The following CRYBG3 variants were observed in gnomAD, a reference collection of about 807,000 sequenced individuals.
CRYBG3 encodes very large A-kinase anchor protein.
Under a neutral mutation model 244.2 loss-of-function variants are expected in CRYBG3, and 127 were observed. The ratio of observed to expected loss-of-function variants is 0.52; its 90% confidence interval spans 0.45 to 0.60. The LOEUF is 0.60. Among genes scored for constraint, CRYBG3 ranks in the 20% least tolerant of loss-of-function variants. The pLI, the probability that CRYBG3 is intolerant of heterozygous loss-of-function variation, is 0.00. For synonymous variants in CRYBG3, 1,132 were observed against 1,195.8 expected, an observed-to-expected ratio of 0.95 and a Z score of 1.10; for missense variants, 3,325 against 3,442.5, an observed-to-expected ratio of 0.97 and a Z score of 0.85.
chr3:97,843,143 GT>G, intron 1 of CRYBG3, 51 bp from the exon 2 acceptor site: 1 of 1,224,544 alleles, frequency 8.2e-7, no homozygotes, highest in Non-Finnish European at 1.1e-6. Context: ...AAAACTTTTA[GT>G]TTCGTAATTT....
chr3:97,877,998 T>C lies in CRYBG3; in HGVS notation c.6804T>C (p.Arg2268=), dbSNP rs774714035. The change falls in exon 4 of 22, where the codon CGT becomes CGC. Residue 2268 remains arginine, a synonymous_variant. Coordinates refer to ENST00000389622, the MANE Select transcript of CRYBG3 (RefSeq NM_153605.4). ...IFQEPVSKYF[R]VQDSPGRLSP... is the part of the protein sequence containing the mutation. ...AGGAACCAGTGTCAAAATATTTCCG[T>C]GTTCAAGACAGCCCAGGCAGATTGA... The C allele has an allele frequency of 1.5e-5, 24 of 1,613,880 alleles. No homozygotes were observed. Among genetic ancestry groups the C allele is most frequent in the Non-Finnish European group, 1.9e-5 (23 of 1,179,972 alleles).
At chr3:97,899,584 G>C (rs1230305151) in intron 14 of CRYBG3, among the ~76,000 whole-genome samples, 1 of 152,186 alleles carries the variant, frequency 6.6e-6, no homozygotes, top group Non-Finnish European at 1.5e-5. Context: ...AGGGGAAATA[G>C]ATGTATGGAC....
At chr3:97,912,031 T>C (rs1224791058) in intron 15 of CRYBG3, 136 bp from the exon 16 acceptor site, 3 of 463,892 alleles carry the variant, frequency 6.5e-6, no homozygotes, top group Non-Finnish European at 1.1e-5. Flanking sequence ...TAACATGAAT[T>C]CATTGATAAT....
rs975094955 is a variant in CRYBG3, at chr3:97,836,366, T to C, written c.150-6829T>C. ...CCAGAAATAGTGCCATAACCACCTG[T>C]TTTATATTCCGTTAATAGCCATTAA... On this transcript the variant is annotated intron_variant, in intron 1 of 21. Coordinates refer to ENST00000389622, the MANE Select transcript of CRYBG3 (RefSeq NM_153605.4). Among the ~76,000 whole-genome samples the C allele has an allele frequency of 2.0e-5, 3 of 152,152 alleles. No homozygotes were observed. In the East Asian group the frequency reaches 5.8e-4, roughly 29 times the overall value.
intron 2 of CRYBG3, among the ~76,000 whole-genome samples, chr3:97,844,551 C>T (rs936322939): frequency 6.6e-6 from 1 of 152,150 alleles, no homozygotes; most frequent in Non-Finnish European, 1.5e-5. Flanking sequence ...CTTTACCAAA[C>T]CTTCCTGCTT....
intron 1 of CRYBG3, among the ~76,000 whole-genome samples, chr3:97,823,682 G>A (rs899995822): frequency 2.0e-5 from 3 of 152,218 alleles, no homozygotes; most frequent in African/African-American, 7.2e-5. Context: ...ACAGCCTGTG[G>A]TGCCTGCCAC....
intron 19 of CRYBG3, among the ~76,000 whole-genome samples, chr3:97,940,724 T>G (rs765285318): frequency 6.6e-6 from 1 of 152,000 alleles, no homozygotes; most frequent in African/African-American, 2.4e-5. Flanking sequence ...GGCCAACTTA[T>G]GGCATTTAGT....
chr3:97,866,587 C>A, intron 3 of CRYBG3, among the ~76,000 whole-genome samples: 1 of 152,046 alleles, frequency 6.6e-6, no homozygotes, highest in Non-Finnish European at 1.5e-5. Flanking sequence ...TTTGCTTGCT[C>A]GCATTTGACA....
chr3:97,910,567 T>C (rs112006862), intron 15 of CRYBG3, among the ~76,000 whole-genome samples: 1 of 152,218 alleles, frequency 6.6e-6, no homozygotes, highest in Non-Finnish European at 1.5e-5. Context: ...CCTGACCCCT[T>C]GCGCTTCCCA....
In CRYBG3 at chr3:97,877,871, C is replaced by T. The variant is rs771560077; in HGVS notation, c.6677C>T (p.Thr2226Ile). The change falls in exon 4 of 22, where the codon ACT (threonine) becomes ATT (isoleucine). Residue 2226 changes from threonine to isoleucine, a missense_variant. Coordinates refer to ENST00000389622, the MANE Select transcript of CRYBG3 (RefSeq NM_153605.4). ...TCGTTTCTCCAGAAATCTGACCTTA[C>T]TTCTAAACTACATTCTTCTTTAAAG... ...KTSFLQKSDL[T>I]SKLHSSLKSA... The T allele has an allele frequency of 2.5e-6, 4 of 1,613,980 alleles. No homozygotes were observed. In the African/African-American group the frequency reaches 5.3e-5, roughly 22 times the overall value.
At chr3:97,858,144 G>C (rs2039092547) in intron 2 of CRYBG3, among the ~76,000 whole-genome samples, 1 of 143,072 alleles carries the variant, frequency 7.0e-6, no homozygotes, top group Admixed American at 7.2e-5. Context: ...GGATAGCTTT[G>C]CTGGGTATGT....
chr3:97,877,669 C>T lies in CRYBG3; in HGVS notation c.6475C>T (p.His2159Tyr), dbSNP rs1233866597. 1 of 1,614,044 alleles carries T rather than the reference C, an allele frequency of 6.2e-7. No individual in the cohort carries two copies. The highest frequency in any genetic ancestry group is 8.5e-7 in the Non-Finnish European group (1 of 1,179,994). The change falls in exon 4 of 22, where the codon CAT becomes TAT. Residue 2159 changes from histidine (H) to tyrosine (Y), a missense_variant. Physicochemically the swap from His to Tyr is moderately conservative, Grantham distance 83 (BLOSUM62 2). This residue lies in a region of CRYBG3 where 450 missense variants were observed against 424.1 expected (regional missense o/e 1.06). Transcript: ENST00000389622. ...EEEEEEAAVLHKGDLRAGSGE... is the reference protein window; with the variant it reads ...EEEEEEAAVLYKGDLRAGSGE... ...AGAGGAGGAGGAGGCAGCAGTATTG[C>T]ATAAAGGAGATCTGAGAGCTGGAAG...
chr3:97,899,305 A>G (rs981715415), intron 14 of CRYBG3, 42 bp downstream of exon 14: 3 of 1,575,898 alleles, frequency 1.9e-6, no homozygotes, highest in Non-Finnish European at 1.7e-6. Context: ...ATCATGTAAT[A>G]GTATGCAATT....
intron 9 of CRYBG3, 139 bp downstream of exon 9, chr3:97,888,594 G>A (rs1388293996): frequency 1.5e-6 from 1 of 667,600 alleles, no homozygotes; most frequent in African/African-American, 1.8e-5. Context: ...GTACTGTAGT[G>A]CCTTCAGTAT....
intron 2 of CRYBG3, among the ~76,000 whole-genome samples, chr3:97,848,438 A>T (rs2038933915): frequency 6.6e-6 from 1 of 151,972 alleles, no homozygotes. Context: ...AGTAGCTGGG[A>T]CTACAGGCAC....
chr3:97,870,376 T>A (rs1035046059), intron 3 of CRYBG3, among the ~76,000 whole-genome samples: 2 of 152,210 alleles, frequency 1.3e-5, no homozygotes, highest in African/African-American at 2.4e-5. Flanking sequence ...CTTCCACTTA[T>A]ATGTGAGAAC....
chr3:97,851,060 G>C (rs532533185), intron 2 of CRYBG3, among the ~76,000 whole-genome samples: 1 of 151,364 alleles, frequency 6.6e-6, no homozygotes, highest in African/African-American at 2.4e-5. Flanking sequence ...TTGAATCTGG[G>C]AGGTGGAGGT....
At chr3:97,900,541 C>A (rs972794113) in intron 15 of CRYBG3, 56 bp downstream of exon 15, 1 of 1,055,172 alleles carries the variant, frequency 9.5e-7, no homozygotes, top group Non-Finnish European at 1.4e-6. Flanking sequence ...GCATTTATAC[C>A]CTTTCTCTCA....
chr3:97,880,799 A>G (rs968675936), intron 6 of CRYBG3, among the ~76,000 whole-genome samples: 5 of 152,250 alleles, frequency 3.3e-5, no homozygotes, highest in Admixed American at 2.0e-4. Context: ...ATCTATAAAG[A>G]GCATACATAC....
Sources: gnomAD v4.1 joint callset for allele counts (sites outside exome capture counted in the v4.1 genomes callset) on GRCh38, gnomAD v4.1.1 for gene constraint, gnomAD v4.1.1 regional missense constraint, MANE v1.5 for transcripts, NCBI Gene and HGNC (gene_info 2026-07-23, HGNC 2026-07-21) for gene names.